SPON1: variants seen among roughly 807,000 people sequenced by gnomAD.
SPON1 encodes the protein spondin-1.
In SPON1, 52 loss-of-function variants were observed where a neutral mutation model predicts 111.7. That is an observed-to-expected ratio of 0.47 (90% CI 0.37 to 0.59). The LOEUF (loss-of-function observed/expected upper bound fraction) is 0.59. SPON1 is among the 20% of genes least tolerant of loss of function. The probability of loss-of-function intolerance (pLI) is 0.00; values close to 1 mark genes in which losing one functional copy is unlikely to be tolerated. For synonymous variants in SPON1, 410 were observed against 395.8 expected, an observed-to-expected ratio of 1.04 and a Z score of -0.43; for missense variants, 957 against 1,068.5, an observed-to-expected ratio of 0.90 and a Z score of 1.46.
chr11:14,077,034 G>A (rs1848923300), intron 4 of SPON1, among the ~76,000 whole-genome samples: 1 of 152,222 alleles, frequency 6.6e-6, no homozygotes, highest in African/African-American at 2.4e-5. Context: ...TTCATGTGAT[G>A]AGATCCAGGT....
At chr11:13,971,395 T>C (rs1554908578) in intron 1 of SPON1, among the ~76,000 whole-genome samples, 1 of 152,162 alleles carries the variant, frequency 6.6e-6, no homozygotes, top group Non-Finnish European at 1.5e-5. Flanking sequence ...GAAGTAGGCC[T>C]GAGGGGATTA....
chr11:14,158,599 C>T (rs1847875572), intron 6 of SPON1, among the ~76,000 whole-genome samples: 2 of 152,164 alleles, frequency 1.3e-5, no homozygotes, highest in Admixed American at 6.5e-5. Flanking sequence ...AAGCCAGAGC[C>T]TGAAGGGAAA....
chr11:14,255,821 T>C, intron 9 of SPON1, 34 bp downstream of exon 9: 2 of 1,606,376 alleles, frequency 1.2e-6, no homozygotes, highest in Non-Finnish European at 1.7e-6. Flanking sequence ...GCATCGACCT[T>C]TCCCGGTAGG....
intron 5 of SPON1, among the ~76,000 whole-genome samples, chr11:14,090,834 CCCCCCCCCCCG>C (rs57091881): frequency 0.25 from 8,119 of 31,948 alleles, 585 homozygotes; most frequent in South Asian, 0.38. Flanking sequence ...GCCCCCCCCC[CCCCCCCCCCCG>C]CCCACATCCT....
chr11:14,170,735 G>T (rs1458510484), intron 6 of SPON1, among the ~76,000 whole-genome samples: 1 of 152,160 alleles, frequency 6.6e-6, no homozygotes, highest in Non-Finnish European at 1.5e-5. Flanking sequence ...GGCCTTTTCT[G>T]CATCTATTGA....
At chr11:14,157,351 G>A (rs536208708) in intron 6 of SPON1, among the ~76,000 whole-genome samples, 1 of 152,098 alleles carries the variant, frequency 6.6e-6, no homozygotes, top group African/African-American at 2.4e-5. Context: ...TATTTTTAAG[G>A]CATCACTTGT....
At chr11:13,964,125 C>T (rs1309831106) in intron 1 of SPON1, among the ~76,000 whole-genome samples, 1 of 152,232 alleles carries the variant, frequency 6.6e-6, no homozygotes, top group Non-Finnish European at 1.5e-5. Context: ...CACCTCGCTC[C>T]TCAGCAGGGT....
At chr11:13,999,768 G>A (rs1848302061) in intron 2 of SPON1, among the ~76,000 whole-genome samples, 1 of 152,156 alleles carries the variant, frequency 6.6e-6, no homozygotes, top group Admixed American at 6.5e-5. Flanking sequence ...CTGACTCAGA[G>A]CTTGCTTTTA....
intron 6 of SPON1, among the ~76,000 whole-genome samples, chr11:14,177,816 AC>A (rs1157601777): frequency 2.6e-5 from 4 of 152,202 alleles, no homozygotes; most frequent in Non-Finnish European, 5.9e-5. Flanking sequence ...CCAGGAATGA[AC>A]AAGGACAGCC....
intron 4 of SPON1, among the ~76,000 whole-genome samples, chr11:14,077,568 G>T (rs1848927894): frequency 6.6e-6 from 1 of 151,930 alleles, no homozygotes; most frequent in Non-Finnish European, 1.5e-5. Context: ...GAGTAGTTGG[G>T]ATTACAGGAA....
chr11:14,186,500 T>G (rs1488750514), intron 6 of SPON1, among the ~76,000 whole-genome samples: 1 of 152,132 alleles, frequency 6.6e-6, no homozygotes, highest in African/African-American at 2.4e-5. Context: ...GGGAGATGCA[T>G]TTGATGTAGT....
chr11:14,240,524 G>A (rs1848913693), intron 6 of SPON1, among the ~76,000 whole-genome samples: 1 of 151,582 alleles, frequency 6.6e-6, no homozygotes, highest in Non-Finnish European at 1.5e-5. Flanking sequence ...AAATGGTAAT[G>A]TAGGTTCCAA....
intron 5 of SPON1, among the ~76,000 whole-genome samples, chr11:14,096,839 T>G (rs148696141): frequency 6.6e-6 from 1 of 152,362 alleles, no homozygotes; most frequent in Non-Finnish European, 1.5e-5. Flanking sequence ...GAGACTGGTA[T>G]TGCCACTTTT....
intron 2 of SPON1, among the ~76,000 whole-genome samples, chr11:14,034,395 G>A (rs1848579774): frequency 6.6e-6 from 1 of 152,324 alleles, no homozygotes; most frequent in Admixed American, 6.5e-5. Flanking sequence ...GATGACGAGT[G>A]TGGAGACGTT....
chr11:14,181,557 A>G (rs1432353250), intron 6 of SPON1, among the ~76,000 whole-genome samples: 1 of 152,248 alleles, frequency 6.6e-6, no homozygotes, highest in African/African-American at 2.4e-5. Context: ...AGTTTGGAAT[A>G]ACATTGATTG....
At chr11:14,188,801 G>A (rs1365188880) in intron 6 of SPON1, among the ~76,000 whole-genome samples, 1 of 152,170 alleles carries the variant, frequency 6.6e-6, no homozygotes, top group Non-Finnish European at 1.5e-5. Flanking sequence ...TGGGGTTAAT[G>A]TCTGTCACAC....
At chr11:14,141,575 A>G (rs965357149) in intron 6 of SPON1, among the ~76,000 whole-genome samples, 24 of 152,142 alleles carry the variant, frequency 1.6e-4, no homozygotes, top group Non-Finnish European at 3.1e-4. Context: ...TTGGAGGATG[A>G]CTTGAACCAG....
chr11:14,184,972 G>A (rs1848271081), intron 6 of SPON1, among the ~76,000 whole-genome samples: 1 of 152,176 alleles, frequency 6.6e-6, no homozygotes, highest in African/African-American at 2.4e-5. Flanking sequence ...GGTACACCAT[G>A]AAGAACCCAA....
intron 2 of SPON1, among the ~76,000 whole-genome samples, chr11:14,018,863 A>C (rs1227066513): frequency 6.6e-6 from 1 of 152,196 alleles, no homozygotes; most frequent in Non-Finnish European, 1.5e-5. Flanking sequence ...AAGATTTGAA[A>C]AGAAGCAGCA....
Sources: allele counts gnomAD v4.1 joint callset (sites outside exome capture counted in the v4.1 genomes callset), GRCh38; gene constraint gnomAD v4.1.1; transcripts MANE v1.5; gene names NCBI Gene and HGNC (gene_info 2026-07-23, HGNC 2026-07-21).